The following VIPR2 variants were observed in gnomAD, a reference collection of about 807,000 sequenced individuals.
The protein encoded by VIPR2 is vasoactive intestinal peptide receptor 2.
VIPR2 carries 48 observed loss-of-function variants against 58.0 expected under a neutral mutation model. The ratio of observed to expected loss-of-function variants is 0.83; its 90% CI spans 0.66 to 1.05. The LOEUF is 1.05. Among genes scored for constraint, VIPR2 ranks in the 50% least tolerant of loss-of-function variants. The pLI, the probability that VIPR2 is intolerant of heterozygous loss-of-function variation, is 0.00. For synonymous variants in VIPR2, 243 were observed against 235.2 expected, an observed-to-expected ratio of 1.03 and a Z score of -0.30; for missense variants, 534 against 558.0, an observed-to-expected ratio of 0.96 and a Z score of 0.43.
intron 5 of VIPR2, among the ~76,000 whole-genome samples, chr7:159,045,879 G>T: frequency 5.9e-5 from 1 of 16,936 alleles, no homozygotes. Context: ...ATCTGATAAG[G>T]ATTAGTATCT....
At position 159,132,948 on chromosome 7, in the gene VIPR2, TTGATTTCAGACAGAATGATTGGCATACC is replaced by T. The variant is rs1563355558; in HGVS notation, c.151+9470_151+9497del. Among the ~76,000 whole-genome samples the T allele has an allele frequency of 1.3e-3, 161 of 124,872 alleles. 11 individuals are homozygous for T. Among genetic ancestry groups the T allele is most frequent in the Admixed American group, 2.9e-3 (38 of 13,222 alleles). 81.9% of individuals were successfully genotyped at this position (124,872 alleles called of 152,430 possible). A position where few individuals can be genotyped will look rare whatever the true frequency, so the allele number is the denominator to read the frequency against. ...TCAGACAGAATGATTGGCATACAGA[TTGATTTCAGACAGAATGATTGGCATACC>T]GATTGATTTTAGACAGAATGATTGG... is the stretch of plus-strand genomic sequence containing the variant. On this transcript the variant is annotated intron_variant, in intron 2 of 12. Coordinates refer to ENST00000262178, the MANE Select transcript of VIPR2 (RefSeq NM_003382.5).
intron 5 of VIPR2, among the ~76,000 whole-genome samples, chr7:159,049,571 T>G (rs910779399): frequency 3.9e-5 from 6 of 152,152 alleles, no homozygotes; most frequent in Non-Finnish European, 8.8e-5. Context: ...GGCTGTTGGG[T>G]GACCCTCGGG....
chr7:159,048,709 C>A (rs566734587), intron 5 of VIPR2, among the ~76,000 whole-genome samples: 2 of 152,306 alleles, frequency 1.3e-5, no homozygotes, highest in Admixed American at 1.3e-4. Flanking sequence ...TACTAGAATG[C>A]TTACAATTAT....
At chr7:159,062,512 A>C (rs982451527) in intron 4 of VIPR2, among the ~76,000 whole-genome samples, 4 of 151,960 alleles carry the variant, frequency 2.6e-5, no homozygotes, top group African/African-American at 9.7e-5. Flanking sequence ...ACAGCTCTTA[A>C]GGCGGCCCCT....
intron 2 of VIPR2, among the ~76,000 whole-genome samples, chr7:159,121,768 T>C (rs1046225420): frequency 1.3e-5 from 2 of 152,228 alleles, no homozygotes; most frequent in Non-Finnish European, 2.9e-5. Flanking sequence ...AATTGTCTGA[T>C]AGGAAATCTG....
At chr7:159,101,578 T>C (rs1858243923) in intron 4 of VIPR2, among the ~76,000 whole-genome samples, 1 of 113,884 alleles carries the variant, frequency 8.8e-6, no homozygotes. Context: ...TGAACGGGTC[T>C]CACGAGATCC....
chr7:159,036,963 C>A, intron 6 of VIPR2, 61 bp from the exon 7 acceptor site: 2 of 1,562,206 alleles, frequency 1.3e-6, no homozygotes, highest in African/African-American at 1.3e-5. Context: ...CAGCTACCAG[C>A]AGGCAGTGCC....
intron 4 of VIPR2, among the ~76,000 whole-genome samples, chr7:159,071,989 G>T (rs1281432030): frequency 6.7e-6 from 1 of 149,384 alleles, no homozygotes; most frequent in Non-Finnish European, 1.5e-5. Context: ...GCACCTGCTG[G>T]ATGAAGGCAC....
intron 7 of VIPR2, among the ~76,000 whole-genome samples, chr7:159,036,324 C>T (rs762825446): frequency 7.2e-5 from 11 of 152,132 alleles, no homozygotes; most frequent in Non-Finnish European, 1.0e-4. Flanking sequence ...CGACCACCCA[C>T]GGAGCTATCG....
chr7:159,133,572 G>A (rs1211059861), intron 2 of VIPR2, among the ~76,000 whole-genome samples: 33 of 152,294 alleles, frequency 2.2e-4, no homozygotes, highest in Admixed American at 1.3e-3. Flanking sequence ...AATTTGGACC[G>A]ACCAGTGAGT....
intron 5 of VIPR2, among the ~76,000 whole-genome samples, chr7:159,050,373 AAAC>A (rs1854922890): frequency 6.6e-6 from 1 of 151,504 alleles, no homozygotes; most frequent in Non-Finnish European, 1.5e-5. Flanking sequence ...AAACAAAAAA[AAAC>A]AAAAAAACCC....
At chr7:159,113,943 T>C (rs1263982761) in intron 2 of VIPR2, among the ~76,000 whole-genome samples, 2 of 152,136 alleles carry the variant, frequency 1.3e-5, no homozygotes, top group African/African-American at 4.8e-5. Context: ...GATGCTGCCA[T>C]AGGGCTGAGA....
intron 2 of VIPR2, among the ~76,000 whole-genome samples, chr7:159,141,428 T>C (rs1489432121): frequency 2.0e-5 from 3 of 152,214 alleles, no homozygotes; most frequent in Non-Finnish European, 2.9e-5. Context: ...ACACCTGTTT[T>C]AGTGACAATC....
At chr7:159,113,028 G>A (rs933918776) in intron 2 of VIPR2, among the ~76,000 whole-genome samples, 2 of 152,246 alleles carry the variant, frequency 1.3e-5, no homozygotes, top group African/African-American at 4.8e-5. Flanking sequence ...ACTTGGCAAG[G>A]AGGGGGAATC....
chr7:159,083,774 T>C (rs1857032679), intron 4 of VIPR2, among the ~76,000 whole-genome samples: 1 of 152,176 alleles, frequency 6.6e-6, no homozygotes, highest in Non-Finnish European at 1.5e-5. Context: ...AACCTGTGGT[T>C]TTGTGAGGTG....
chr7:159,098,075 C>T lies in VIPR2; in HGVS notation c.357+5682G>A, dbSNP rs900138657. Among the ~76,000 whole-genome samples, 1 of 152,192 alleles carries T rather than the reference C, an allele frequency of 6.6e-6. No homozygotes were observed. The highest frequency in any genetic ancestry group is 2.4e-5 in the African/African-American group (1 of 41,462). On this transcript the variant is annotated intron_variant, in intron 4 of 12. Transcript: ENST00000262178. This position sits in a 1 kb window ranked among gnomAD's most constrained non-coding sequence, Gnocchi z 5.2. Reference sequence around the variant, plus strand: ...AGCCCTGCCGGGGCAAGCGGAATCCCCAGCCTCACACCAGCCCGGCCACTG... The same window carrying T: ...AGCCCTGCCGGGGCAAGCGGAATCCTCAGCCTCACACCAGCCCGGCCACTG...
chr7:159,101,091 C>T (rs1858191635), intron 4 of VIPR2, among the ~76,000 whole-genome samples: 3 of 147,738 alleles, frequency 2.0e-5, no homozygotes, highest in Admixed American at 1.3e-4. Flanking sequence ...GTGAACGGGT[C>T]TCACGAGATC....
At chr7:159,042,822 C>T (rs1270056921) in intron 6 of VIPR2, among the ~76,000 whole-genome samples, 1 of 152,178 alleles carries the variant, frequency 6.6e-6, no homozygotes, top group Non-Finnish European at 1.5e-5. Flanking sequence ...TGCCTGGGAA[C>T]CCCACCCTCC....
chr7:159,121,013 G>A (rs949425191), intron 2 of VIPR2, among the ~76,000 whole-genome samples: 1 of 152,150 alleles, frequency 6.6e-6, no homozygotes, highest in African/African-American at 2.4e-5. Context: ...TTTAAGCTTG[G>A]ACTTAAACAT....
Sources: gnomAD v4.1 joint callset for allele counts (sites outside exome capture counted in the v4.1 genomes callset) on GRCh38, gnomAD v4.1.1 for gene constraint, Gnocchi (gnomAD v3.1) non-coding constraint, MANE v1.5 for transcripts, NCBI Gene and HGNC (gene_info 2026-07-23, HGNC 2026-07-21) for gene names.